The following TRIO variants were observed in gnomAD, a reference collection of about 807,000 sequenced individuals.
TRIO encodes triple functional domain protein.
TRIO carries 58 observed loss-of-function variants against 351.9 expected under a neutral mutation model. The ratio of observed to expected loss-of-function variants is 0.16; its 90% confidence interval spans 0.13 to 0.21. TRIO has a LOEUF of 0.21. Ranked by LOEUF, TRIO falls within the 10% of genes least tolerant of loss-of-function variation. The pLI is 1.00. For missense variants in TRIO, 3,201 were observed against 4,027.8 expected, an observed-to-expected ratio of 0.79 and a Z score of 5.56; for synonymous variants, 1,758 against 1,595.7, an observed-to-expected ratio of 1.10 and a Z score of -2.42.
At chr5:14,448,381 C>A (rs1579683511) in intron 34 of TRIO, among the ~76,000 whole-genome samples, 1 of 152,240 alleles carries the variant, frequency 6.6e-6, no homozygotes, top group African/African-American at 2.4e-5. Context: ...CATGCTGCAT[C>A]CTCGCCCTCA....
chr5:14,151,382 G>T (rs1787819959), intron 1 of TRIO, among the ~76,000 whole-genome samples: 1 of 83,750 alleles, frequency 1.2e-5, no homozygotes, highest in South Asian at 4.6e-4. Flanking sequence ...GTGTGTGTGT[G>T]TGTTTGTGTG....
intron 1 of TRIO, among the ~76,000 whole-genome samples, chr5:14,174,910 C>G (rs997283728): frequency 3.9e-5 from 6 of 152,118 alleles, no homozygotes; most frequent in African/African-American, 1.2e-4. Context: ...TATTTTTAAT[C>G]GACATTAATT....
At chr5:14,458,458 C>T (rs1176180533) in intron 34 of TRIO, among the ~76,000 whole-genome samples, 3 of 152,238 alleles carry the variant, frequency 2.0e-5, no homozygotes, top group African/African-American at 7.2e-5. Context: ...GGGACCCTTC[C>T]ATGGTTCCTC....
At chr5:14,383,232 G>T (rs989140000) in intron 21 of TRIO, among the ~76,000 whole-genome samples, 4 of 152,170 alleles carry the variant, frequency 2.6e-5, no homozygotes, top group South Asian at 2.1e-4. Context: ...CTGCTTATTT[G>T]AATATTGTTT....
intron 49 of TRIO, among the ~76,000 whole-genome samples, chr5:14,494,169 T>C (rs1376298593): frequency 6.6e-6 from 1 of 152,214 alleles, no homozygotes; most frequent in African/African-American, 2.4e-5. Flanking sequence ...ATGCTAATTA[T>C]CATCACACCT....
At position 14,487,573 on chromosome 5, in the gene TRIO, T is replaced by C. The variant is rs1371421675; in HGVS notation, c.6945T>C (p.Ser2315=). 2 of 1,127,330 alleles carry C rather than the reference T, an allele frequency of 1.8e-6. No homozygotes were observed. The highest frequency in any genetic ancestry group is 2.2e-6 in the Non-Finnish European group (2 of 913,448). 69.8% of individuals were successfully genotyped at this position (1,127,330 alleles called of 1,614,324 possible). A position where few individuals can be genotyped will look rare whatever the true frequency, so the allele number is the denominator to read the frequency against. The change falls in exon 48 of 57, where the codon AGT becomes AGC. Residue 2315 remains serine, a synonymous_variant. Transcript: ENST00000344204. ...GGGSGGGGAP[S]GGSGHSGGPS... ...GCAGCGGCGGCGGCGGGGCCCCCAG[T>C]GGCGGCAGCGGCCACAGTGGCGGCC...
chr5:14,467,498 C>T (rs747736309), intron 37 of TRIO, among the ~76,000 whole-genome samples: 7 of 152,154 alleles, frequency 4.6e-5, no homozygotes, highest in South Asian at 2.1e-4. Flanking sequence ...AGATAACTCA[C>T]GAATTCGGAC....
chr5:14,374,175 A>G (rs2152347931), intron 18 of TRIO, 54 bp from the exon 19 acceptor site: 2 of 1,407,294 alleles, frequency 1.4e-6, no homozygotes, highest in Admixed American at 1.8e-5. Context: ...TGTACTCCAA[A>G]TACACGTTTG....
chr5:14,414,683 G>T (rs1260093808), intron 33 of TRIO, among the ~76,000 whole-genome samples: 1 of 152,050 alleles, frequency 6.6e-6, no homozygotes, highest in Non-Finnish European at 1.5e-5. Context: ...GTCCTCACAG[G>T]TTTCTTTCTG....
rs141531043 is a variant in TRIO at position 14,280,965 on chromosome 5, C to G, written c.347+529C>G. The stretch of plus-strand genomic sequence containing the variant: ...AATTTTTAGCATAGATGCCAAAGAA[C>G]ACCAAGAGCAAGCAATGTTGTGTTT... On this transcript the variant is annotated intron_variant, in intron 3 of 56. Coordinates refer to ENST00000344204, the MANE Select transcript of TRIO (RefSeq NM_007118.4). Among the ~76,000 whole-genome samples, 793 of 152,278 alleles carry G rather than the reference C, an allele frequency of 5.2e-3. 10 individuals carry two copies. The highest frequency in any genetic ancestry group is 0.018 in the African/African-American group (763 of 41,560).
At chr5:14,330,995 G>C (rs997616426) in intron 10 of TRIO, 95 bp downstream of exon 10, 2 of 1,554,698 alleles carry the variant, frequency 1.3e-6, no homozygotes, top group African/African-American at 2.7e-5. Flanking sequence ...GTTAGCATTA[G>C]CTCGATGTGT....
chr5:14,288,346 C>G (rs1380303470), intron 4 of TRIO, among the ~76,000 whole-genome samples: 1 of 152,146 alleles, frequency 6.6e-6, no homozygotes, highest in African/African-American at 2.4e-5. Context: ...TCTCTCCCCA[C>G]CCAGTGATTG....
At chr5:14,456,018 G>A (rs1484556201) in intron 34 of TRIO, among the ~76,000 whole-genome samples, 2 of 152,268 alleles carry the variant, frequency 1.3e-5, no homozygotes, top group East Asian at 3.8e-4. Context: ...CCGCGGGGAG[G>A]TGGCTGAGGC....
intron 11 of TRIO, 138 bp downstream of exon 11, chr5:14,336,865 T>G (rs936734908): frequency 1.1e-6 from 1 of 879,136 alleles, no homozygotes; most frequent in African/African-American, 1.7e-5. Context: ...TAGTGCTGAG[T>G]GTGTCTGCGT....
chr5:14,248,545 G>C (rs538907703), intron 1 of TRIO, among the ~76,000 whole-genome samples: 7 of 152,240 alleles, frequency 4.6e-5, no homozygotes, highest in Non-Finnish European at 8.8e-5. Flanking sequence ...GTAGGTGAGG[G>C]GGACAAGGCC....
intron 34 of TRIO, among the ~76,000 whole-genome samples, chr5:14,435,533 C>A (rs1159678719): frequency 6.6e-6 from 1 of 152,204 alleles, no homozygotes; most frequent in Non-Finnish European, 1.5e-5. Flanking sequence ...CCTACCTTTA[C>A]CCTCTAATTT....
intron 3 of TRIO, among the ~76,000 whole-genome samples, chr5:14,282,182 AC>A (rs1371977161): frequency 1.3e-5 from 2 of 152,162 alleles, no homozygotes; most frequent in Non-Finnish European, 2.9e-5. Flanking sequence ...TAGGCAGCTG[AC>A]CTGTTGAAAT....
intron 1 of TRIO, among the ~76,000 whole-genome samples, chr5:14,260,969 C>T (rs564677187): frequency 6.6e-6 from 1 of 152,280 alleles, no homozygotes; most frequent in East Asian, 1.9e-4. Flanking sequence ...AGCAAGGCCC[C>T]TGGATGAGGA....
At chr5:14,472,185 C>T (rs1016062059) in intron 38 of TRIO, among the ~76,000 whole-genome samples, 7 of 152,220 alleles carry the variant, frequency 4.6e-5, no homozygotes, top group African/African-American at 1.7e-4. Flanking sequence ...TGTGATTAGA[C>T]ACAAGGTTTA....
Sources: gnomAD v4.1 joint callset for allele counts (sites outside exome capture counted in the v4.1 genomes callset) on GRCh38, gnomAD v4.1.1 for gene constraint, MANE v1.5 for transcripts, NCBI Gene and HGNC (gene_info 2026-07-23, HGNC 2026-07-21) for gene names.